The following GRK5 variants were observed in gnomAD, a reference collection of about 807,000 sequenced individuals.
GRK5 encodes G protein-coupled receptor kinase 5.
In GRK5, 40 loss-of-function variants were observed where a neutral mutation model predicts 78.4. That is an observed-to-expected ratio of 0.51 (90% CI 0.40 to 0.66). GRK5 has a LOEUF of 0.66. Ranked by LOEUF, GRK5 falls within the 30% of genes least tolerant of loss-of-function variation. The probability of loss-of-function intolerance (pLI) is 0.00; values close to 1 mark genes in which losing one functional copy is unlikely to be tolerated. For synonymous variants in GRK5, 289 were observed against 296.8 expected, an observed-to-expected ratio of 0.97 and a Z score of 0.27; for missense variants, 598 against 759.9, an observed-to-expected ratio of 0.79 and a Z score of 2.50.
intron 1 of GRK5, among the ~76,000 whole-genome samples, chr10:119,216,956 A>G (rs60021779): frequency 5.9e-5 from 9 of 152,098 alleles, no homozygotes; most frequent in Non-Finnish European, 8.8e-5. Context: ...AAAAAAAAAC[A>G]TAAAAATAAA....
At chr10:119,381,605 A>C (rs1452801182) in intron 3 of GRK5, among the ~76,000 whole-genome samples, 1 of 152,230 alleles carries the variant, frequency 6.6e-6, no homozygotes, top group African/African-American at 2.4e-5. Flanking sequence ...TTGTGGGAAT[A>C]GTCAGGAGTT....
chr10:119,231,923 G>A (rs1444383398), intron 1 of GRK5, among the ~76,000 whole-genome samples: 1 of 152,102 alleles, frequency 6.6e-6, no homozygotes. Context: ...CAGTATGGAG[G>A]TTCCTCCAAA....
At chr10:119,391,510 C>T (rs1390318339) in intron 3 of GRK5, among the ~76,000 whole-genome samples, 4 of 152,222 alleles carry the variant, frequency 2.6e-5, no homozygotes, top group Non-Finnish European at 5.9e-5. Context: ...GCTGCTGATG[C>T]AACACCCCTG....
intron 1 of GRK5, among the ~76,000 whole-genome samples, chr10:119,308,559 A>G (rs2133733696): frequency 6.6e-6 from 1 of 152,318 alleles, no homozygotes; most frequent in South Asian, 2.1e-4. Context: ...AAAGGTGAAC[A>G]CAGTCGGGAT....
chr10:119,293,453 C>G (rs1466293764), intron 1 of GRK5, among the ~76,000 whole-genome samples: 1 of 152,238 alleles, frequency 6.6e-6, no homozygotes, highest in African/African-American at 2.4e-5. Context: ...ATGGGGTATA[C>G]AGCAAGCACT....
At chr10:119,387,792 G>A (rs1429400005) in intron 3 of GRK5, among the ~76,000 whole-genome samples, 1 of 152,180 alleles carries the variant, frequency 6.6e-6, no homozygotes, top group Non-Finnish European at 1.5e-5. Context: ...GGGATGTTTG[G>A]CAGATATGGA....
chr10:119,262,147 C>T (rs933243561), intron 1 of GRK5, among the ~76,000 whole-genome samples: 23 of 151,956 alleles, frequency 1.5e-4, no homozygotes, highest in African/African-American at 5.3e-4. Context: ...TGATTTTCTT[C>T]CTCACACATG....
At chr10:119,226,604 G>GT in intron 1 of GRK5, among the ~76,000 whole-genome samples, 1 of 150,768 alleles carries the variant, frequency 6.6e-6, no homozygotes, top group Non-Finnish European at 1.5e-5. Flanking sequence ...GAGTACAGTG[G>GT]TGCGATCTCG....
chr10:119,408,430 CA>C (rs979311341), intron 4 of GRK5, among the ~76,000 whole-genome samples: 7 of 150,526 alleles, frequency 4.7e-5, no homozygotes, highest in Non-Finnish European at 1.0e-4. Flanking sequence ...TCACAATGGC[CA>C]AAAAATGGCA....
At chr10:119,294,561 GA>G (rs1192466973) in intron 1 of GRK5, among the ~76,000 whole-genome samples, 1 of 152,144 alleles carries the variant, frequency 6.6e-6, no homozygotes, top group African/African-American at 2.4e-5. Context: ...AGATAAGTAG[GA>G]ATCAGGTGTG....
At chr10:119,256,582 C>T (rs1849289927) in intron 1 of GRK5, among the ~76,000 whole-genome samples, 1 of 151,822 alleles carries the variant, frequency 6.6e-6, no homozygotes, top group Non-Finnish European at 1.5e-5. Flanking sequence ...GGCCACAGCA[C>T]CCCACCCCTC....
chr10:119,343,416 G>A (rs541675734), intron 2 of GRK5, among the ~76,000 whole-genome samples: 1 of 152,354 alleles, frequency 6.6e-6, no homozygotes, highest in South Asian at 2.1e-4. Context: ...GCCCTGTGGG[G>A]CAGGTGCTGC....
intron 2 of GRK5, among the ~76,000 whole-genome samples, chr10:119,340,921 T>C (rs1186752737): frequency 6.6e-6 from 1 of 152,066 alleles, no homozygotes; most frequent in Non-Finnish European, 1.5e-5. Flanking sequence ...ATGGCCAGAG[T>C]AGTTTTCCTG....
chr10:119,372,311 A>C (rs1305909990), intron 2 of GRK5, among the ~76,000 whole-genome samples: 1 of 152,240 alleles, frequency 6.6e-6, no homozygotes, highest in African/African-American at 2.4e-5. Flanking sequence ...CTAATCAGCT[A>C]TAGATATAGG....
chr10:119,423,231 G>A lies in GRK5; in HGVS notation c.405G>A (p.Gln135=). Residue 135 remains glutamine (Q), a synonymous_variant, in exon 5 of 16, where the codon CAG becomes CAA. Transcript: ENST00000392870. ...LVSQTEEKLL[Q]KPCKELFSAC... is the part of the protein sequence containing the mutation. ...CCCAGACGGAGGAGAAGCTCCTACAGAAGCCGTGCAAAGAACTCTTTTCTG... is the reference window on the plus strand; with the variant it reads ...CCCAGACGGAGGAGAAGCTCCTACAAAAGCCGTGCAAAGAACTCTTTTCTG... 2 of 1,614,158 alleles carry A rather than the reference G, an allele frequency of 1.2e-6. No individual in the cohort carries two copies. Among genetic ancestry groups the A allele is most frequent in the Non-Finnish European group, 1.7e-6 (2 of 1,179,972 alleles).
rs1480577857 is a variant in GRK5, at chr10:119,238,893, T to C, written c.52+30924T>C. Among the ~76,000 whole-genome samples the C allele has an allele frequency of 6.6e-6, 1 of 152,064 alleles. No individual in the cohort carries two copies. The highest frequency in any genetic ancestry group is 1.5e-5 in the Non-Finnish European group (1 of 67,996). The stretch of plus-strand genomic sequence containing the variant: ...AATAAAGTTGATGGTTACTCTACCA[T>C]GAAAGAGCAGAAAAAGCTGAGCAGA... On this transcript the variant is annotated intron_variant, in intron 1 of 15. Coordinates refer to ENST00000392870, the MANE Select transcript of GRK5 (RefSeq NM_005308.3). This position sits in a 1 kb window ranked among gnomAD's most constrained non-coding sequence, Gnocchi z 4.7.
chr10:119,226,069 G>A (rs1848733383), intron 1 of GRK5, among the ~76,000 whole-genome samples: 1 of 151,578 alleles, frequency 6.6e-6, no homozygotes, highest in Non-Finnish European at 1.5e-5. Context: ...GGATGGTCTC[G>A]ATCTCCCGAC....
intron 1 of GRK5, among the ~76,000 whole-genome samples, chr10:119,258,515 A>C (rs879869032): frequency 6.6e-6 from 1 of 152,244 alleles, no homozygotes; most frequent in Non-Finnish European, 1.5e-5. Context: ...GCTGCTTTCC[A>C]AAGAGCTGTA....
intron 2 of GRK5, among the ~76,000 whole-genome samples, chr10:119,364,142 T>A (rs1278942279): frequency 6.6e-6 from 1 of 152,078 alleles, no homozygotes; most frequent in East Asian, 1.9e-4. Flanking sequence ...GTTCAGTAAA[T>A]CCATCTTAAA....
Sources: gnomAD v4.1 joint callset for allele counts (sites outside exome capture counted in the v4.1 genomes callset) on GRCh38, gnomAD v4.1.1 for gene constraint, Gnocchi (gnomAD v3.1) non-coding constraint, MANE v1.5 for transcripts, NCBI Gene and HGNC (gene_info 2026-07-23, HGNC 2026-07-21) for gene names.